Variants in MFN2 observed in about 807,000 individuals in gnomAD.
MFN2 encodes mitofusin 2, also known as mitofusin-2.
MFN2 carries 43 observed loss-of-function variants against 87.5 expected under a neutral mutation model. The observed-to-expected ratio is 0.49, with a 90% CI of 0.38 to 0.63. The LOEUF (loss-of-function observed/expected upper bound fraction) is 0.63. Ranked by LOEUF, MFN2 falls within the 30% of genes least tolerant of loss-of-function variation. The probability of loss-of-function intolerance (pLI) is 0.00; values close to 1 mark genes in which losing one functional copy is unlikely to be tolerated. For missense variants in MFN2, 743 were observed against 972.8 expected (o/e 0.76, Z 3.14); for synonymous variants, 337 against 359.9 (o/e 0.94, Z 0.72).
In MFN2 at chr1:12,011,665, C is replaced by A; in HGVS notation, c.*100C>A. 2.4e-6 allele frequency: 3 copies of A among 1,266,872 alleles called. No individual in the cohort carries two copies. The highest frequency in any genetic ancestry group is 1.7e-5 in the Admixed American group (1 of 57,364). 78.5% of individuals were successfully genotyped at this position (1,266,872 alleles called of 1,614,324 possible). On this transcript the variant is annotated 3_prime_UTR_variant, in exon 19 of 19. Transcript: ENST00000235329. Reference sequence around the variant, plus strand: ...GGCACGTGTGGCTCCTGCCCCCTGGCCACTGCCAAGAGAATGAAGCACCCA... The same window carrying A: ...GGCACGTGTGGCTCCTGCCCCCTGGACACTGCCAAGAGAATGAAGCACCCA...
intron 3 of MFN2, among the ~76,000 whole-genome samples, chr1:11,991,923 C>CAAAAAAAAAAAAAA (rs35314016): frequency 2.4e-4 from 4 of 16,730 alleles, no homozygotes; most frequent in Non-Finnish European, 3.5e-4. Flanking sequence ...GACTCCGTCT[C>CAAAAAAAAAAAAAA]AAAAAAAAAA....
At chr1:11,989,365 C>T (rs1240056687) in intron 3 of MFN2, 22 bp downstream of exon 3, 2 of 1,612,902 alleles carry the variant, frequency 1.2e-6, no homozygotes, top group Non-Finnish European at 1.7e-6. Context: ...CCGGCTCAGC[C>T]AGGCCCGCTC....
At chr1:12,010,886 C>T (rs1029042154) in intron 18 of MFN2, among the ~76,000 whole-genome samples, 2 of 152,222 alleles carry the variant, frequency 1.3e-5, no homozygotes, top group Non-Finnish European at 2.9e-5. Flanking sequence ...CATCAGCACA[C>T]GGGGACCCTG....
chr1:12,000,644 T>C (rs1276710549), intron 8 of MFN2, among the ~76,000 whole-genome samples: 1 of 152,190 alleles, frequency 6.6e-6, no homozygotes, highest in Admixed American at 6.5e-5. Context: ...CAAGAAGCTA[T>C]TGTCACATTT....
At chr1:11,998,950 C>T in intron 7 of MFN2, 38 bp from the exon 8 acceptor site, 1 of 1,612,818 alleles carries the variant, frequency 6.2e-7, no homozygotes, top group Non-Finnish European at 8.5e-7. Context: ...CCTTGGCTGT[C>T]AAGCTCCTGC....
At position 12,007,130 on chromosome 1, in the gene MFN2, G is replaced by A. The variant is rs772030424; in HGVS notation, c.1950G>A (p.Leu650=). ...GCCTCCTCTACGTCTATGAGCGTCT[G>A]ACCTGGACCACCAAGGCCAAGGAGA... ...LYGLLYVYER[L]TWTTKAKERA... is the part of the protein sequence containing the mutation. Residue 650 remains leucine (L), a synonymous_variant, in exon 17 of 19, where the codon CTG becomes CTA. Coordinates refer to ENST00000235329, the MANE Select transcript of MFN2 (RefSeq NM_014874.4). The A allele has an allele frequency of 3.2e-5, 51 of 1,614,068 alleles. No individual in the cohort carries two copies. The South Asian group carries it at 5.2e-4, about 16-fold the overall frequency.
rs863224968 is a variant in MFN2, at chr1:12,011,547, C to T, written c.2256C>T (p.Tyr752=). The T allele has an allele frequency of 6.2e-7, 1 of 1,613,984 alleles. No homozygotes were observed. The highest frequency in any genetic ancestry group is 8.5e-7 in the Non-Finnish European group (1 of 1,180,030). The change falls in exon 19 of 19, where the codon TAC becomes TAT. Residue 752 remains tyrosine, a synonymous_variant. Coordinates refer to ENST00000235329, the MANE Select transcript of MFN2 (RefSeq NM_014874.4). The part of the protein sequence containing the change: ...DSELNMFTHQ[Y]LQPSR ...AGCTCAACATGTTCACACACCAGTA[C>T]CTGCAGCCCAGCAGATAGTGGGCAC...
intron 3 of MFN2, chr1:11,992,240 T>C: frequency 2.6e-6 from 1 of 380,550 alleles, no homozygotes; most frequent in African/African-American, 2.0e-5. Flanking sequence ...GATGTTCTCA[T>C]GAAGTAGATA....
intron 3 of MFN2, 97 bp downstream of exon 3, chr1:11,989,440 A>C: frequency 7.2e-7 from 1 of 1,386,434 alleles, no homozygotes; most frequent in South Asian, 1.3e-5. Context: ...GCTCCCAGGG[A>C]AGTCATAACC....
chr1:11,981,531 T>C (rs1645984329), intron 1 of MFN2, among the ~76,000 whole-genome samples: 1 of 152,234 alleles, frequency 6.6e-6, no homozygotes, highest in Non-Finnish European at 1.5e-5. Flanking sequence ...CTTCAAGTAT[T>C]CCAGCCCTCT....
rs758996830 is a variant in MFN2, at chr1:11,989,173, C to T, written c.5C>T (p.Ser2Phe). Residue 2 changes from serine to phenylalanine, a missense_variant, in exon 3 of 19, where the codon TCC becomes TTC. Around this residue, in one of 3 missense-constraint regions of MFN2, gnomAD observed 31 missense variants for 23.2 expected, o/e 1.33. Transcript: ENST00000235329. M[S>F]LLFSRCNSIV... ...GTTAGCTTCTCTTGCAGCGCAATGT[C>T]CCTGCTCTTCTCTCGATGCAACTCT... 4 of 1,613,950 alleles carry T rather than the reference C, an allele frequency of 2.5e-6. No homozygotes were observed. In the African/African-American group the frequency reaches 4.0e-5, roughly 16 times the overall value.
At chr1:11,989,128 G>T in intron 2 of MFN2, 37 bp from the exon 3 acceptor site, 2 of 1,610,594 alleles carry the variant, frequency 1.2e-6, no homozygotes, top group Non-Finnish European at 1.7e-6. Context: ...CCCGAGGTAG[G>T]TGTTGCTGGG....
chr1:11,991,792 C>T (rs1030358876), intron 3 of MFN2, among the ~76,000 whole-genome samples: 2 of 149,810 alleles, frequency 1.3e-5, no homozygotes, highest in East Asian at 1.9e-4. Flanking sequence ...GGCGTAGTGG[C>T]GGGCGCCTGT....
intron 9 of MFN2, 78 bp downstream of exon 9, chr1:12,001,632 A>G: frequency 6.2e-7 from 1 of 1,607,426 alleles, no homozygotes; most frequent in Non-Finnish European, 8.5e-7. Context: ...CTGTCAGTAG[A>G]AAATCCTTCT....
intron 8 of MFN2, among the ~76,000 whole-genome samples, chr1:11,999,568 C>A (rs1023579276): frequency 6.6e-6 from 1 of 151,938 alleles, no homozygotes; most frequent in South Asian, 2.1e-4. Context: ...ATGTTGCCCA[C>A]GCTGGTTTTG....
chr1:12,006,572 C>A lies in MFN2; in HGVS notation c.1751C>A (p.Pro584His). ...QRPIPLTPAN[P>H]SMPPLPQGSL... ...CCCATCCCTCTGACGCCAGCCAACC[C>A]CAGCATGCCCCCACTGCCACAGGGC... Residue 584 changes from proline to histidine, a missense_variant, in exon 16 of 19, where the codon CCC (proline) becomes CAC (histidine). By Grantham distance (77) the Pro-to-His change is moderately conservative. Transcript: ENST00000235329. The A allele has an allele frequency of 1.2e-6, 2 of 1,614,238 alleles. No homozygotes were observed. Among genetic ancestry groups the A allele is most frequent in the Non-Finnish European group, 1.7e-6 (2 of 1,180,036 alleles).
rs1293645756 is a variant in MFN2, at chr1:12,009,636, T to A, written c.2114T>A (p.Val705Asp). The A allele has an allele frequency of 1.9e-6, 3 of 1,614,090 alleles. No homozygotes were observed. The highest frequency in any genetic ancestry group is 1.7e-5 in the Admixed American group (1 of 60,002). ...TFAHLCQQVD[V>D]TRENLEQEIA... ...GCTCATCTGTGTCAGCAAGTTGACG[T>A]CACCCGGGAGAACCTGGAGCAGGAA... The change falls in exon 18 of 19, where the codon GTC becomes GAC. Residue 705 changes from valine (V) to aspartate (D), a missense_variant. Val to Asp is a radical substitution (Grantham distance 152). Coordinates refer to ENST00000235329, the MANE Select transcript of MFN2 (RefSeq NM_014874.4).
intron 4 of MFN2, 117 bp from the exon 5 acceptor site, chr1:11,996,038 TG>T: frequency 7.8e-7 from 1 of 1,286,086 alleles, no homozygotes; most frequent in Non-Finnish European, 1.1e-6. Context: ...CAGCACTGTC[TG>T]GGCACTGGCA....
chr1:12,008,200 TC>T (rs1639507139), intron 17 of MFN2, among the ~76,000 whole-genome samples: 1 of 152,166 alleles, frequency 6.6e-6, no homozygotes, highest in Non-Finnish European at 1.5e-5. Context: ...TCCCCACATT[TC>T]CCCCTTTTCT....
Sources: gnomAD v4.1 joint callset for allele counts (sites outside exome capture counted in the v4.1 genomes callset) on GRCh38, gnomAD v4.1.1 for gene constraint, gnomAD v4.1.1 regional missense constraint, MANE v1.5 for transcripts, NCBI Gene and HGNC (gene_info 2026-07-23, HGNC 2026-07-21) for gene names.